Variants in MANBA observed in about 807,000 individuals in gnomAD.
MANBA encodes the protein mannosidase beta, also known as beta-mannosidase.
Under a neutral mutation model 111.1 loss-of-function variants are expected in MANBA, and 83 were observed. The observed-to-expected ratio is 0.75, with a 90% CI of 0.63 to 0.90. The LOEUF (loss-of-function observed/expected upper bound fraction) is 0.90. Among genes scored for constraint, MANBA ranks in the 40% least tolerant of loss-of-function variants. The pLI is 0.00. For missense variants in MANBA, 1,036 were observed against 1,069.0 expected, an observed-to-expected ratio of 0.97 and a Z score of 0.43; for synonymous variants, 370 against 378.7, an observed-to-expected ratio of 0.98 and a Z score of 0.27.
chr4:102,701,012 C>T (rs543921600), intron 5 of MANBA, among the ~76,000 whole-genome samples: 13 of 152,028 alleles, frequency 8.6e-5, no homozygotes, highest in African/African-American at 2.7e-4. Flanking sequence ...TTGTAGGTCA[C>T]TCAGGACTTG....
At chr4:102,719,579 G>A (rs1393564817) in intron 4 of MANBA, among the ~76,000 whole-genome samples, 1 of 152,194 alleles carries the variant, frequency 6.6e-6, no homozygotes, top group Non-Finnish European at 1.5e-5. Context: ...TATAACCTAA[G>A]CTGAGCATCT....
chr4:102,646,937 G>A (rs1265495759), intron 13 of MANBA, among the ~76,000 whole-genome samples: 1 of 152,056 alleles, frequency 6.6e-6, no homozygotes, highest in Non-Finnish European at 1.5e-5. Context: ...CGAAGACTTT[G>A]CTAACAGTTG....
At chr4:102,751,774 G>T in intron 1 of MANBA, 1 of 525,650 alleles carries the variant, frequency 1.9e-6, no homozygotes. Context: ...TCTCAAATCC[G>T]GTCCTTGGAA....
chr4:102,732,112 T>C (rs922067489), intron 1 of MANBA, among the ~76,000 whole-genome samples: 2 of 152,148 alleles, frequency 1.3e-5, no homozygotes, highest in African/African-American at 4.8e-5. Flanking sequence ...GTTTTCACCA[T>C]GTTGGTCAGG....
At chr4:102,759,296 C>A (rs761611951) in intron 1 of MANBA, among the ~76,000 whole-genome samples, 8 of 151,728 alleles carry the variant, frequency 5.3e-5, no homozygotes, top group Admixed American at 1.3e-4. Flanking sequence ...CTACCTTGGC[C>A]TCCCAAAGCT....
chr4:102,728,921 C>T, intron 1 of MANBA: 2 of 754,698 alleles, frequency 2.7e-6, no homozygotes, highest in Non-Finnish European at 4.7e-6. Flanking sequence ...ACCTGCATAA[C>T]CACTGGTGGT....
chr4:102,751,479 G>T, intron 1 of MANBA: 1 of 526,862 alleles, frequency 1.9e-6, no homozygotes, highest in Non-Finnish European at 3.9e-6. Context: ...AATCCCTGCC[G>T]CCTCTGAATT....
At chr4:102,633,611 C>T in intron 16 of MANBA, 1 of 394,718 alleles carries the variant, frequency 2.5e-6, no homozygotes, top group Non-Finnish European at 4.5e-6. Context: ...TTAAGAAGGA[C>T]AAGTCTCACT....
chr4:102,658,091 C>G (rs1298233648), intron 11 of MANBA, among the ~76,000 whole-genome samples, 191 bp from the exon 12 acceptor site: 1 of 152,234 alleles, frequency 6.6e-6, no homozygotes, highest in Non-Finnish European at 1.5e-5. Context: ...TCCTTTATAT[C>G]TTTTCATAAG....
At chr4:102,645,707 A>G (rs898889755) in intron 13 of MANBA, among the ~76,000 whole-genome samples, 2 of 152,086 alleles carry the variant, frequency 1.3e-5, no homozygotes, top group Non-Finnish European at 2.9e-5. Context: ...TTATTTTGGT[A>G]AGGTGAGTAG....
chr4:102,734,323 T>A, intron 1 of MANBA: 1 of 1,587,258 alleles, frequency 6.3e-7, no homozygotes. Context: ...GAGTGGTGAG[T>A]CAGAAGAGAC....
At chr4:102,685,841 G>A (rs1196011209) in intron 7 of MANBA, among the ~76,000 whole-genome samples, 2 of 152,082 alleles carry the variant, frequency 1.3e-5, no homozygotes, top group Admixed American at 6.6e-5. Context: ...TCACTGCACT[G>A]CACCCAGTTC....
intron 14 of MANBA, among the ~76,000 whole-genome samples, chr4:102,638,799 T>C (rs1729742099): frequency 1.3e-5 from 2 of 152,142 alleles, no homozygotes; most frequent in Admixed American, 6.5e-5. Context: ...GTAAGAGTCA[T>C]CCATCTGGCA....
intron 14 of MANBA, among the ~76,000 whole-genome samples, chr4:102,636,843 T>C (rs1729653938): frequency 6.6e-6 from 1 of 152,200 alleles, no homozygotes; most frequent in African/African-American, 2.4e-5. Flanking sequence ...ATTTTTCTTC[T>C]ACAGTTAGAT....
At chr4:102,683,805 C>T (rs923685765) in intron 7 of MANBA, among the ~76,000 whole-genome samples, 10 of 152,328 alleles carry the variant, frequency 6.6e-5, no homozygotes, top group African/African-American at 2.2e-4. Flanking sequence ...GATATCCCAA[C>T]ATTTATTTTT....
chr4:102,666,028 G>A (rs1731205760), intron 10 of MANBA: 3 of 152,166 alleles, frequency 2.0e-5, no homozygotes, highest in Admixed American at 2.0e-4. Flanking sequence ...CTTTGTACAT[G>A]CCCAAGAAAG....
rs72430337 is a variant in MANBA, at chr4:102,631,105, T to TG, written c.*951_*952insC. On this transcript the variant is annotated 3_prime_UTR_variant, in exon 17 of 17. Transcript: ENST00000647097. ...AGTCCCCTTATCCCCTTGATAAGGC[T>TG]TTGTGTGTGTGTGTGTGTGTGTGTG... 0.11 allele frequency: 4,503 copies of TG among 41,656 alleles called. 113 individuals are homozygous for TG. The highest frequency in any genetic ancestry group is 0.15 in the Admixed American group (535 of 3,534). 2.6% of individuals were successfully genotyped at this position (41,656 alleles called of 1,614,324 possible). A position where few individuals can be genotyped will look rare whatever the true frequency, so the allele number is the denominator to read the frequency against.
intron 16 of MANBA, 68 bp from the exon 17 acceptor site, chr4:102,632,349 T>A: frequency 1.6e-6 from 2 of 1,239,624 alleles, no homozygotes; most frequent in Non-Finnish European, 2.4e-6. Context: ...TGTATACAGT[T>A]CCTGTAAACA....
chr4:102,718,941 G>A (rs1191814432), intron 4 of MANBA, among the ~76,000 whole-genome samples: 2 of 152,134 alleles, frequency 1.3e-5, no homozygotes, highest in Non-Finnish European at 2.9e-5. Flanking sequence ...GCTTCAAAGG[G>A]CAATAAAGAT....
Sources: allele counts gnomAD v4.1 joint callset (sites outside exome capture counted in the v4.1 genomes callset), GRCh38; gene constraint gnomAD v4.1.1; transcripts MANE v1.5; gene names NCBI Gene and HGNC (gene_info 2026-07-23, HGNC 2026-07-21).